The following OMA1 variants were observed in gnomAD, a reference collection of about 807,000 sequenced individuals.
OMA1 encodes metalloendopeptidase OMA1, mitochondrial.
In OMA1, 38 loss-of-function variants were observed where a neutral mutation model predicts 30.9. The ratio of observed to expected loss-of-function variants is 1.23; its 90% CI spans 0.95 to 1.61. The LOEUF (loss-of-function observed/expected upper bound fraction) is 1.61, where lower values mean the gene tolerates loss of function less well. Ranked by LOEUF, OMA1 falls within the 40% of genes most tolerant of loss-of-function variation. OMA1 has a pLI of 0.00. For synonymous variants in OMA1, 173 were observed against 121.9 expected (o/e 1.42, Z -2.76); for missense variants, 461 against 349.2 (o/e 1.32, Z -2.55).
At chr1:58,492,744 T>A (rs1479998302) in intron 8 of OMA1, among the ~76,000 whole-genome samples, 2 of 152,058 alleles carry the variant, frequency 1.3e-5, no homozygotes, top group Non-Finnish European at 2.9e-5. Flanking sequence ...AAGAGACCAA[T>A]AACAGGATCT....
chr1:58,539,094 G>T lies in OMA1; in HGVS notation c.201C>A (p.Asn67Lys), dbSNP rs34466938. 7.9e-3 allele frequency: 6,905 copies of T among 872,778 alleles called. 300 individuals are homozygous for T. The African/African-American group carries it at 0.098, about 12-fold the overall frequency. The allele number at this position is 872,778 out of a possible 1,614,324, so 54.1% of individuals were successfully genotyped here. A position where few individuals can be genotyped will look rare whatever the true frequency, so the allele number is the denominator to read the frequency against. Residue 67 changes from asparagine (N) to lysine (K), a missense_variant, in exon 2 of 9, where the codon AAC becomes AAA. Coordinates refer to ENST00000371226, the MANE Select transcript of OMA1 (RefSeq NM_145243.5). ...QCDRWSFLPG[N>K]FHFYSTFNNK... ...TGTTAAAAGTACTATAAAAATGAAAGTTTCCAGGCAGAAAACTCCACCTGT... is the reference window on the plus strand; with the variant it reads ...TGTTAAAAGTACTATAAAAATGAAATTTTCCAGGCAGAAAACTCCACCTGT...
At chr1:58,484,062 C>T (rs1042833289) in intron 8 of OMA1, among the ~76,000 whole-genome samples, 7 of 152,196 alleles carry the variant, frequency 4.6e-5, no homozygotes, top group Non-Finnish European at 8.8e-5. Flanking sequence ...AGTAAAAACT[C>T]TTCTCTTATC....
chr1:58,527,502 T>C (rs1646371255), intron 6 of OMA1, among the ~76,000 whole-genome samples, 167 bp from the exon 7 acceptor site: 1 of 152,186 alleles, frequency 6.6e-6, no homozygotes, highest in Non-Finnish European at 1.5e-5. Context: ...AAACACAGCC[T>C]TTATTTCCCT....
At chr1:58,514,710 C>T (rs1233968079) in intron 7 of OMA1, among the ~76,000 whole-genome samples, 1 of 152,102 alleles carries the variant, frequency 6.6e-6, no homozygotes, top group Admixed American at 6.5e-5. Context: ...TAGAAAAATA[C>T]ACTGAGGCTG....
chr1:58,504,960 CT>C (rs879552920), intron 8 of OMA1, among the ~76,000 whole-genome samples: 184 of 145,838 alleles, frequency 1.3e-3, no homozygotes, highest in East Asian at 1.2e-3. Context: ...AAAGATACTT[CT>C]TTTTTTTTTT....
intron 8 of OMA1, among the ~76,000 whole-genome samples, chr1:58,498,259 T>C (rs919163832): frequency 9.9e-5 from 15 of 152,054 alleles, no homozygotes; most frequent in Admixed American, 8.5e-4. Context: ...AAAAACAACT[T>C]TTTCCATTGT....
At chr1:58,522,905 G>C (rs1488708369) in intron 7 of OMA1, among the ~76,000 whole-genome samples, 1 of 152,224 alleles carries the variant, frequency 6.6e-6, no homozygotes, top group Non-Finnish European at 1.5e-5. Context: ...AGGAAGAGGA[G>C]AGTTGGTCTT....
At chr1:58,518,999 G>A (rs1646217391) in intron 7 of OMA1, among the ~76,000 whole-genome samples, 1 of 152,122 alleles carries the variant, frequency 6.6e-6, no homozygotes, top group South Asian at 2.1e-4. Context: ...TCTCAAACTT[G>A]GCAGTATGGT....
intron 8 of OMA1, among the ~76,000 whole-genome samples, chr1:58,495,130 A>G (rs1054945249): frequency 1.3e-5 from 2 of 152,130 alleles, no homozygotes; most frequent in Non-Finnish European, 2.9e-5. Context: ...GGACATGGAT[A>G]AAGCTGGAAA....
intron 4 of OMA1, 21 bp downstream of exon 4, chr1:58,534,137 C>T (rs374696971): frequency 3.3e-5 from 29 of 867,770 alleles, no homozygotes; most frequent in Non-Finnish European, 5.6e-5. Flanking sequence ...AATTACAATG[C>T]GTTTGAGAAC....
chr1:58,530,482 A>C (rs1185685338), intron 6 of OMA1, 119 bp downstream of exon 6: 2 of 612,096 alleles, frequency 3.3e-6, no homozygotes, highest in African/African-American at 1.8e-5. Context: ...GACACTAAAA[A>C]TTCGTACCCA....
chr1:58,481,221 T>A (rs938513868), intron 8 of OMA1, 47 bp from the exon 9 acceptor site: 14 of 620,760 alleles, frequency 2.3e-5, no homozygotes, highest in Middle Eastern at 4.2e-4. Flanking sequence ...TATACATCAA[T>A]GTATTCAGAT....
intron 8 of OMA1, among the ~76,000 whole-genome samples, chr1:58,505,147 T>TGA (rs1645967652): frequency 1.3e-5 from 2 of 152,172 alleles, no homozygotes; most frequent in Non-Finnish European, 2.9e-5. Context: ...AGACAGGGTT[T>TGA]CACCCCGTTG....
intron 3 of OMA1, among the ~76,000 whole-genome samples, chr1:58,535,595 C>CAAAA (rs11315198): frequency 1.0e-5 from 1 of 95,544 alleles, no homozygotes; most frequent in African/African-American, 3.9e-5. Flanking sequence ...GTCTCTGTCT[C>CAAAA]AAAAAAAAAA....
chr1:58,536,433 A>G (rs942507317), intron 3 of OMA1, 80 bp downstream of exon 3: 4 of 700,734 alleles, frequency 5.7e-6, no homozygotes, highest in African/African-American at 3.6e-5. Flanking sequence ...AAAAAACAAC[A>G]TATCTTTCAC....
At chr1:58,499,205 A>G (rs1039218128) in intron 8 of OMA1, among the ~76,000 whole-genome samples, 7 of 150,810 alleles carry the variant, frequency 4.6e-5, no homozygotes, top group Non-Finnish European at 1.0e-4. Flanking sequence ...AATTGTGAGT[A>G]GAATAATGAT....
chr1:58,482,512 A>G (rs1182976135), intron 8 of OMA1, among the ~76,000 whole-genome samples: 2 of 152,210 alleles, frequency 1.3e-5, no homozygotes, highest in Non-Finnish European at 2.9e-5. Context: ...TTTAAAAGAA[A>G]GACATTTAGG....
intron 1 of OMA1, among the ~76,000 whole-genome samples, chr1:58,540,565 C>A (rs1232068875): frequency 6.7e-6 from 1 of 149,948 alleles, no homozygotes; most frequent in African/African-American, 2.5e-5. Context: ...AAGACCTAAA[C>A]TTTTAGACAA....
At chr1:58,525,663 T>C (rs1206264527) in intron 7 of OMA1, among the ~76,000 whole-genome samples, 1 of 152,108 alleles carries the variant, frequency 6.6e-6, no homozygotes, top group East Asian at 1.9e-4. Flanking sequence ...ATAAATGCAA[T>C]GCAATTCCAA....
Sources: gnomAD v4.1 joint callset for allele counts (sites outside exome capture counted in the v4.1 genomes callset) on GRCh38, gnomAD v4.1.1 for gene constraint, MANE v1.5 for transcripts, NCBI Gene and HGNC (gene_info 2026-07-23, HGNC 2026-07-21) for gene names.